CHRNA1: variants seen among roughly 807,000 people sequenced by gnomAD.
CHRNA1 encodes the protein acetylcholine receptor subunit alpha.
CHRNA1 carries 35 observed loss-of-function variants against 47.1 expected under a neutral mutation model. The observed-to-expected ratio is 0.74, with a 90% CI of 0.57 to 0.99. The LOEUF (loss-of-function observed/expected upper bound fraction) is 0.99, where lower values mean the gene tolerates loss of function less well. CHRNA1 is among the 50% of genes least tolerant of loss of function. CHRNA1 has a pLI of 0.00. For missense variants in CHRNA1, 506 were observed against 591.1 expected (o/e 0.86, Z 1.49); for synonymous variants, 229 against 223.6 (o/e 1.02, Z -0.22).
intron 6 of CHRNA1, among the ~76,000 whole-genome samples, chr2:174,751,951 A>T (rs1683862507): frequency 1.3e-5 from 2 of 151,978 alleles, no homozygotes; most frequent in South Asian, 4.2e-4. Context: ...AAGTGCTGGG[A>T]TTACAGGTGT....
At chr2:174,764,053 G>A (rs1333026336) in intron 1 of CHRNA1, among the ~76,000 whole-genome samples, 4 of 152,188 alleles carry the variant, frequency 2.6e-5, no homozygotes, top group Admixed American at 6.5e-5. Flanking sequence ...TCCTACAAAT[G>A]GTGCCGAGTG....
chr2:174,750,884 G>C (rs1167192063), intron 6 of CHRNA1, among the ~76,000 whole-genome samples: 1 of 152,126 alleles, frequency 6.6e-6, no homozygotes, highest in African/African-American at 2.4e-5. Context: ...TTCTGCAGCA[G>C]GATGCATTAA....
At chr2:174,754,537 G>C in intron 4 of CHRNA1, 123 bp from the exon 5 acceptor site, 1 of 831,880 alleles carries the variant, frequency 1.2e-6, no homozygotes, top group East Asian at 2.6e-5. Flanking sequence ...GCTCTGTTTC[G>C]GGCAGCGTCA....
In CHRNA1 at chr2:174,757,617, A is replaced by AT. The variant is rs753250273; in HGVS notation, c.292dup (p.Ile98AsnfsTer17). On this transcript the variant is annotated frameshift_variant, in exon 4 of 9. Transcript: ENST00000348749. LOFTEE classifies it high-confidence loss of function. Reference sequence around the variant, plus strand: ...CCAGATCTTTTCTGAAGGAATGTGAATTTTTTTCACACCGCCATAGTCATC... The same window carrying AT: ...CCAGATCTTTTCTGAAGGAATGTGAATTTTTTTTCACACCGCCATAGTCATC... 1.2e-5 allele frequency: 20 copies of AT among 1,613,880 alleles called. No individual in the cohort carries two copies. Among genetic ancestry groups the AT allele is most frequent in the East Asian group, 6.7e-5 (3 of 44,888 alleles).
At chr2:174,749,924 C>A in intron 7 of CHRNA1, 22 bp downstream of exon 7, 2 of 1,604,784 alleles carry the variant, frequency 1.2e-6, no homozygotes, top group African/African-American at 1.3e-5. Flanking sequence ...CGTGTGAAGT[C>A]TGCAGGGGCC....
chr2:174,755,092 C>A (rs1273476273), intron 4 of CHRNA1, among the ~76,000 whole-genome samples: 1 of 152,130 alleles, frequency 6.6e-6, no homozygotes, highest in Non-Finnish European at 1.5e-5. Flanking sequence ...ACCATGTTGA[C>A]CAGGCTGGCC....
chr2:174,757,108 T>C (rs1471927505), intron 4 of CHRNA1, among the ~76,000 whole-genome samples: 1 of 151,946 alleles, frequency 6.6e-6, no homozygotes, highest in Non-Finnish European at 1.5e-5. Flanking sequence ...TCAGAAATAT[T>C]TGGTAGGGAA....
chr2:174,760,342 C>T (rs1006913250), intron 1 of CHRNA1, among the ~76,000 whole-genome samples: 4 of 152,074 alleles, frequency 2.6e-5, no homozygotes, highest in African/African-American at 9.7e-5. Context: ...TATACCCCTA[C>T]GATGAACTAT....
At chr2:174,757,459 T>G in intron 4 of CHRNA1, 107 bp downstream of exon 4, 1 of 827,000 alleles carries the variant, frequency 1.2e-6, no homozygotes, top group Non-Finnish European at 2.0e-6. Flanking sequence ...CTGGGTGATT[T>G]AACATTAGCA....
At chr2:174,753,146 G>T in intron 6 of CHRNA1, 1 of 534,820 alleles carries the variant, frequency 1.9e-6, no homozygotes, top group South Asian at 2.2e-5. Flanking sequence ...CTTCATCGTG[G>T]AAGTGGCATG....
At chr2:174,754,891 T>A (rs1017953630) in intron 4 of CHRNA1, among the ~76,000 whole-genome samples, 1 of 149,220 alleles carries the variant, frequency 6.7e-6, no homozygotes, top group Non-Finnish European at 1.5e-5. Context: ...TCTTTTTTTT[T>A]TTTTTTTTTT....
chr2:174,753,993 C>T (rs186878357), intron 5 of CHRNA1, among the ~76,000 whole-genome samples: 12 of 152,210 alleles, frequency 7.9e-5, no homozygotes, highest in African/African-American at 2.2e-4. Context: ...GATGCCCTAC[C>T]GCCACCCCAG....
At chr2:174,758,939 A>G (rs1684036710) in intron 3 of CHRNA1, among the ~76,000 whole-genome samples, 1 of 152,072 alleles carries the variant, frequency 6.6e-6, no homozygotes, top group Non-Finnish European at 1.5e-5. Context: ...TCACATACAC[A>G]AGAAGAACGC....
chr2:174,761,372 C>A (rs1333920438), intron 1 of CHRNA1, among the ~76,000 whole-genome samples: 1 of 152,116 alleles, frequency 6.6e-6, no homozygotes, highest in East Asian at 1.9e-4. Context: ...CCTTGACCTC[C>A]CAGGCTCAAG....
chr2:174,761,845 T>C (rs1468221850), intron 1 of CHRNA1, among the ~76,000 whole-genome samples: 1 of 152,130 alleles, frequency 6.6e-6, no homozygotes, highest in African/African-American at 2.4e-5. Context: ...CATGGTGGAG[T>C]TGCAGACTGG....
At chr2:174,764,269 A>G in intron 1 of CHRNA1, 83 bp downstream of exon 1, 1 of 1,454,518 alleles carries the variant, frequency 6.9e-7, no homozygotes, top group Non-Finnish European at 9.5e-7. Context: ...GTCTCATCAA[A>G]GAAGCAAGAC....
At chr2:174,749,157 C>T (rs1683797776) in intron 7 of CHRNA1, among the ~76,000 whole-genome samples, 1 of 152,130 alleles carries the variant, frequency 6.6e-6, no homozygotes, top group African/African-American at 2.4e-5. Context: ...CAATGTGTCA[C>T]CAGGATCAAA....
At chr2:174,758,163 C>A (rs1684020764) in intron 3 of CHRNA1, 1 of 1,233,454 alleles carries the variant, frequency 8.1e-7, no homozygotes, top group East Asian at 2.5e-5. Flanking sequence ...AATCCCAGCA[C>A]TTTGGGAGGC....
In CHRNA1 at chr2:174,750,176, AGACC is replaced by A; in HGVS notation, c.779-11_779-8del. On this transcript the variant is annotated splice_region_variant and splice_polypyrimidine_tract_variant and intron_variant, in intron 6 of 8. Coordinates refer to ENST00000348749, the MANE Select transcript of CHRNA1 (RefSeq NM_000079.4). The stretch of plus-strand genomic sequence containing the variant: ...CTCAGAGTCATCTTCTCCCCTGAAA[AGACC>A]AAAAAAAAAAAAAAAAATCCCACAA... The A allele has an allele frequency of 5.3e-6, 8 of 1,497,970 alleles. No individual in the cohort carries two copies. The Admixed American group carries it at 6.4e-5, about 12-fold the overall frequency. The allele number at this position is 1,497,970 out of a possible 1,614,324, so 92.8% of individuals were successfully genotyped here.
Sources: allele counts gnomAD v4.1 joint callset (sites outside exome capture counted in the v4.1 genomes callset), GRCh38; gene constraint gnomAD v4.1.1; transcripts MANE v1.5; gene names NCBI Gene and HGNC (gene_info 2026-07-23, HGNC 2026-07-21).